The following NALF1 variants were observed in gnomAD, a reference collection of about 807,000 sequenced individuals.
NALF1 encodes family with sequence similarity 155 member A.
A neutral mutation model predicts 48.4 loss-of-function variants in NALF1; 3 were observed. The observed-to-expected ratio is 0.06, with a 90% confidence interval of 0.03 to 0.16. The LOEUF (loss-of-function observed/expected upper bound fraction) is 0.16. NALF1 is among the 10% of genes least tolerant of loss of function. The probability of loss-of-function intolerance (pLI) is 1.00; values close to 1 mark genes in which losing one functional copy is unlikely to be tolerated. For missense variants in NALF1, 526 were observed against 571.5 expected (o/e 0.92, Z 0.81); for synonymous variants, 262 against 245.7 (o/e 1.07, Z -0.62).
intron 1 of NALF1, among the ~76,000 whole-genome samples, chr13:107,451,886 T>C (rs1884747192): frequency 2.6e-5 from 4 of 152,214 alleles, no homozygotes; most frequent in Admixed American, 2.6e-4. Context: ...TCTTTCTTAC[T>C]GTGGAGATGC....
At chr13:107,418,455 C>T (rs1443820811) in intron 1 of NALF1, among the ~76,000 whole-genome samples, 1 of 152,122 alleles carries the variant, frequency 6.6e-6, no homozygotes, top group East Asian at 1.9e-4. Flanking sequence ...TCCTGACACA[C>T]AGAAACGATG....
chr13:107,211,691 T>C (rs1292986114), intron 1 of NALF1, among the ~76,000 whole-genome samples: 1 of 151,610 alleles, frequency 6.6e-6, no homozygotes, highest in Admixed American at 6.6e-5. Flanking sequence ...CTTTTACTTA[T>C]CTATTTCTAG....
chr13:107,723,607 G>T (rs1876053653), intron 1 of NALF1, among the ~76,000 whole-genome samples: 1 of 152,132 alleles, frequency 6.6e-6, no homozygotes, highest in East Asian at 1.9e-4. Flanking sequence ...AATATTGCAG[G>T]CCAGTGCATA....
intron 1 of NALF1, among the ~76,000 whole-genome samples, chr13:107,628,888 G>A (rs1023002765): frequency 2.0e-5 from 3 of 152,060 alleles, no homozygotes; most frequent in South Asian, 4.1e-4. Flanking sequence ...CTCTTTCTTC[G>A]TGAATCTTTT....
intron 1 of NALF1, among the ~76,000 whole-genome samples, chr13:107,552,369 G>A (rs956969602): frequency 4.6e-5 from 7 of 152,024 alleles, no homozygotes; most frequent in South Asian, 2.1e-4. Flanking sequence ...ATATGATATC[G>A]TTATTTAAGT....
chr13:107,254,424 CTTTG>C (rs1461866091), intron 1 of NALF1, among the ~76,000 whole-genome samples: 1 of 152,094 alleles, frequency 6.6e-6, no homozygotes, highest in Non-Finnish European at 1.5e-5. Flanking sequence ...GCTGGAGGAA[CTTTG>C]TTCGTGTTCC....
At chr13:107,773,422 T>G (rs1245977897) in intron 1 of NALF1, among the ~76,000 whole-genome samples, 8 of 152,164 alleles carry the variant, frequency 5.3e-5, no homozygotes, top group Non-Finnish European at 1.0e-4. Flanking sequence ...AGACCTCAAG[T>G]TATTATGGGA....
intron 1 of NALF1, among the ~76,000 whole-genome samples, chr13:107,564,049 T>C (rs1039940807): frequency 6.6e-6 from 1 of 152,186 alleles, no homozygotes; most frequent in South Asian, 2.1e-4. Flanking sequence ...TTCCAAACTT[T>C]CATGGTTCTT....
chr13:107,384,268 C>CAAAAG (rs1487267080), intron 1 of NALF1, among the ~76,000 whole-genome samples: 1 of 151,724 alleles, frequency 6.6e-6, no homozygotes, highest in Non-Finnish European at 1.5e-5. Flanking sequence ...CAAAACAAAA[C>CAAAAG]AAAACAAAAC....
At chr13:107,644,075 A>G (rs1238624626) in intron 1 of NALF1, among the ~76,000 whole-genome samples, 1 of 151,896 alleles carries the variant, frequency 6.6e-6, no homozygotes, top group Non-Finnish European at 1.5e-5. Context: ...TTTATTTTTA[A>G]GTAGAAAAAT....
chr13:107,825,751 A>G (rs1220863831), intron 1 of NALF1, among the ~76,000 whole-genome samples: 1 of 152,208 alleles, frequency 6.6e-6, no homozygotes, highest in Non-Finnish European at 1.5e-5. Context: ...TAATGTATCC[A>G]TATTTTGACT....
chr13:107,306,875 G>GCT (rs1881946863), intron 1 of NALF1, among the ~76,000 whole-genome samples: 1 of 152,186 alleles, frequency 6.6e-6, no homozygotes, highest in Non-Finnish European at 1.5e-5. Flanking sequence ...TGAGATGGGA[G>GCT]AATGGCTTGA....
intron 1 of NALF1, among the ~76,000 whole-genome samples, chr13:107,709,581 C>T (rs964337805): frequency 3.3e-5 from 5 of 152,228 alleles, no homozygotes; most frequent in African/African-American, 1.2e-4. Context: ...TAGCTGCTGA[C>T]AAGATGCCAC....
intron 1 of NALF1, among the ~76,000 whole-genome samples, chr13:107,359,821 T>C (rs1272488617): frequency 6.6e-6 from 1 of 151,736 alleles, no homozygotes; most frequent in Non-Finnish European, 1.5e-5. Flanking sequence ...CAGACAACAG[T>C]GGCAGAAGGA....
intron 1 of NALF1, among the ~76,000 whole-genome samples, chr13:107,855,065 A>T (rs770950461): frequency 3.9e-5 from 6 of 152,110 alleles, no homozygotes; most frequent in African/African-American, 1.4e-4. Context: ...GAGGTGTAGC[A>T]GGGAGTGGTC....
intron 1 of NALF1, among the ~76,000 whole-genome samples, chr13:107,574,502 G>T (rs1045111799): frequency 6.6e-6 from 1 of 152,132 alleles, no homozygotes; most frequent in African/African-American, 2.4e-5. Context: ...GTTAAATATG[G>T]TCATTGAATC....
chr13:107,511,678 G>A (rs1333465100), intron 1 of NALF1, among the ~76,000 whole-genome samples: 2 of 151,982 alleles, frequency 1.3e-5, no homozygotes, highest in Non-Finnish European at 2.9e-5. Flanking sequence ...CTTTGCTAAG[G>A]TCTGATGCAG....
chr13:107,467,638 A>T (rs750818264), intron 1 of NALF1, among the ~76,000 whole-genome samples: 4 of 152,240 alleles, frequency 2.6e-5, no homozygotes, highest in Non-Finnish European at 5.9e-5. Context: ...TTATTTTATT[A>T]ATATTGCATT....
intron 1 of NALF1, among the ~76,000 whole-genome samples, chr13:107,708,015 G>C (rs1192506060): frequency 6.7e-6 from 1 of 149,372 alleles, no homozygotes; most frequent in Non-Finnish European, 1.5e-5. Context: ...TTGTTTGCAT[G>C]AATAGGTGTA....
Sources: gnomAD v4.1 joint callset for allele counts (sites outside exome capture counted in the v4.1 genomes callset) on GRCh38, gnomAD v4.1.1 for gene constraint, MANE v1.5 for transcripts, NCBI Gene and HGNC (gene_info 2026-07-23, HGNC 2026-07-21) for gene names.